Variants in CREB3L4 observed in about 807,000 individuals in gnomAD.
CREB3L4 encodes the protein cyclic AMP-responsive element-binding protein 3-like protein 4.
A neutral mutation model predicts 37.0 loss-of-function variants in CREB3L4; 28 were observed. That is an observed-to-expected ratio of 0.76 (90% CI 0.56 to 1.04). CREB3L4 has a LOEUF of 1.04. Ranked by LOEUF, CREB3L4 falls within the 50% of genes least tolerant of loss-of-function variation. The pLI is 0.00. For synonymous variants in CREB3L4, 175 were observed against 192.2 expected (o/e 0.91, Z 0.74); for missense variants, 462 against 486.0 (o/e 0.95, Z 0.46).
Position 153,973,015 on chromosome 1 carries a change from A to G in CREB3L4, c.680A>G (p.Asn227Ser). 1 of 1,614,168 alleles carries G rather than the reference A, an allele frequency of 6.2e-7. No individual in the cohort carries two copies. The highest frequency in any genetic ancestry group is 1.3e-5 in the African/African-American group (1 of 75,030). The change falls in exon 6 of 10, where the codon AAC (asparagine) becomes AGC (serine). Residue 227 changes from asparagine to serine, a missense_variant. Asn to Ser is a conservative substitution (Grantham distance 46). Transcript: ENST00000368607. ...AAGAAGGTCAGGAGGAAAATCCGTA[A>G]CAAGCAGTCAGCTCAGGACAGTCGG... ...VLKKVRRKIR[N>S]KQSAQDSRRR...
chr1:153,971,038 C>T (rs748975524), intron 4 of CREB3L4, among the ~76,000 whole-genome samples: 24 of 147,396 alleles, frequency 1.6e-4, no homozygotes, highest in Non-Finnish European at 2.7e-4. Flanking sequence ...CCACCGCACC[C>T]GGCCAACATC....
At chr1:153,970,491 G>A (rs1409355323) in intron 4 of CREB3L4, among the ~76,000 whole-genome samples, 1 of 152,180 alleles carries the variant, frequency 6.6e-6, no homozygotes, top group Non-Finnish European at 1.5e-5. Context: ...GTTTCCACTG[G>A]AACAGTTGCC....
rs560677297 is a variant in CREB3L4, at chr1:153,972,958, C to G, written c.637-14C>G. ...GGTGAAGGACCCAGGACTCACACAT[C>G]CTGGGCCTCCAAGGCAGAGGAGAGG... On this transcript the variant is annotated splice_polypyrimidine_tract_variant and intron_variant, in intron 5 of 9. Coordinates refer to ENST00000368607, the MANE Select transcript of CREB3L4 (RefSeq NM_001255978.2). 176 of 1,613,002 alleles carry G rather than the reference C, an allele frequency of 1.1e-4. No individual in the cohort carries two copies. In the South Asian group the frequency reaches 1.9e-3, roughly 17 times the overall value.
At chr1:153,969,250 C>A (rs746841106) in intron 3 of CREB3L4, 74 bp downstream of exon 3, 1 of 1,613,962 alleles carries the variant, frequency 6.2e-7, no homozygotes, top group South Asian at 1.1e-5. Context: ...GGGGGTTTAC[C>A]CAACCTGTGC....
intron 4 of CREB3L4, among the ~76,000 whole-genome samples, chr1:153,971,096 C>T (rs1409684364): frequency 0.1 from 11 of 106 alleles, no homozygotes; most frequent in South Asian, 0.5. Flanking sequence ...GCCGGCCGGG[C>T]GCGGTGCTCA....
At position 153,968,794 on chromosome 1, in the gene CREB3L4, C is replaced by T. The variant is rs539745671; in HGVS notation, c.174+95C>T. 176 of 1,550,074 alleles carry T rather than the reference C, an allele frequency of 1.1e-4. No individual in the cohort carries two copies. In the African/African-American group the frequency reaches 2.1e-3, roughly 19 times the overall value. On this transcript the variant is annotated intron_variant, in intron 2 of 9. Coordinates refer to ENST00000368607, the MANE Select transcript of CREB3L4 (RefSeq NM_001255978.2). Reference sequence around the variant, plus strand: ...CTTGGAGACAGGTCTGAAAACAGACCACCCCCAAAATAGACGTAAGTTGTA... The same window carrying T: ...CTTGGAGACAGGTCTGAAAACAGACTACCCCCAAAATAGACGTAAGTTGTA...
chr1:153,968,288 C>A, intron 1 of CREB3L4, 124 bp downstream of exon 1: 1 of 434,708 alleles, frequency 2.3e-6, no homozygotes, highest in Admixed American at 3.6e-5. Flanking sequence ...GCTGGCTTGA[C>A]AGGGCTGGGC....
At chr1:153,971,296 A>G (rs1648344555) in intron 4 of CREB3L4, among the ~76,000 whole-genome samples, 1 of 151,636 alleles carries the variant, frequency 6.6e-6, no homozygotes, top group African/African-American at 2.4e-5. Flanking sequence ...TGAACCCGGG[A>G]AGCAGAGGTT....
Position 153,974,222 on chromosome 1 carries a change from G to T in CREB3L4, c.*157G>T. ...GAGATGTCCTTTAGTCTCTGCCTGAGGCCTAGTCTGCATTTGTTTGCATAT... is the reference window on the plus strand; with the variant it reads ...GAGATGTCCTTTAGTCTCTGCCTGATGCCTAGTCTGCATTTGTTTGCATAT... On this transcript the variant is annotated 3_prime_UTR_variant, in exon 10 of 10. Coordinates refer to ENST00000368607, the MANE Select transcript of CREB3L4 (RefSeq NM_001255978.2). 1.6e-6 allele frequency: 1 copy of T among 622,636 alleles called. No individual in the cohort carries two copies. The allele number at this position is 622,636 out of a possible 1,614,324, so 38.6% of individuals were successfully genotyped here. A position where few individuals can be genotyped will look rare whatever the true frequency, so the allele number is the denominator to read the frequency against.
chr1:153,969,680 G>T, intron 4 of CREB3L4: 1 of 492,088 alleles, frequency 2.0e-6, no homozygotes, highest in Non-Finnish European at 3.7e-6. Flanking sequence ...GTGCAATCAC[G>T]GCTCACTGCA....
At chr1:153,973,134 C>T in intron 6 of CREB3L4, 56 bp downstream of exon 6, 2 of 1,610,476 alleles carry the variant, frequency 1.2e-6, no homozygotes, top group Non-Finnish European at 1.7e-6. Flanking sequence ...CCTTCCTCAC[C>T]ATGGGAGGCA....
chr1:153,973,927 A>C lies in CREB3L4; in HGVS notation c.1050A>C (p.Gln350His), dbSNP rs769040478. 27 of 1,614,064 alleles carry C rather than the reference A, an allele frequency of 1.7e-5. No homozygotes were observed. The highest frequency in any genetic ancestry group is 2.2e-5 in the Non-Finnish European group (26 of 1,180,042). Reference sequence around the variant, plus strand: ...ACGTAACAGAAAATCTGGAGACCCAAGTGGTAGAGTCCAGACTGAGGGAGC... The same window carrying C: ...ACGTAACAGAAAATCTGGAGACCCACGTGGTAGAGTCCAGACTGAGGGAGC... ...HKDVTENLET[Q>H]VVESRLREPP... The change falls in exon 10 of 10, where the codon CAA (glutamine) becomes CAC (histidine). Residue 350 changes from glutamine to histidine, a missense_variant. Transcript: ENST00000368607.
At chr1:153,971,292 C>T (rs761174611) in intron 4 of CREB3L4, among the ~76,000 whole-genome samples, 1 of 151,552 alleles carries the variant, frequency 6.6e-6, no homozygotes, top group Non-Finnish European at 1.5e-5. Context: ...CGCTTGAACC[C>T]GGGAAGCAGA....
rs1648095633 is a variant in CREB3L4 at position 153,969,196 on chromosome 1, A to T, written c.421+20A>T. 6.2e-7 allele frequency: 1 copy of T among 1,613,904 alleles called. No homozygotes were observed. The highest frequency in any genetic ancestry group is 1.1e-5 in the South Asian group (1 of 91,090). Reference sequence around the variant, plus strand: ...AGCTAGGTCAGTGTTCTTTGTGGGAAGGGGGAAATGGCCCTTCGGGACTGG... The same window carrying T: ...AGCTAGGTCAGTGTTCTTTGTGGGATGGGGGAAATGGCCCTTCGGGACTGG... On this transcript the variant is annotated intron_variant, in intron 3 of 9. Coordinates refer to ENST00000368607, the MANE Select transcript of CREB3L4 (RefSeq NM_001255978.2).
At chr1:153,972,703 C>T (rs1023469080) in intron 4 of CREB3L4, 41 bp from the exon 5 acceptor site, 1 of 1,538,766 alleles carries the variant, frequency 6.5e-7, no homozygotes, top group South Asian at 1.1e-5. Context: ...GGATGACCCC[C>T]TCCTCACTCC....
chr1:153,972,907 G>C (rs1005892550), intron 5 of CREB3L4, 65 bp from the exon 6 acceptor site: 5 of 1,598,838 alleles, frequency 3.1e-6, no homozygotes, highest in Non-Finnish European at 2.6e-6. Flanking sequence ...CAATATCCCA[G>C]GAGAAGCATT....
At chr1:153,969,284 C>T (rs1206779194) in intron 3 of CREB3L4, 50 bp from the exon 4 acceptor site, 1 of 1,614,026 alleles carries the variant, frequency 6.2e-7, no homozygotes, top group Admixed American at 1.7e-5. Context: ...CTGCGGCTGT[C>T]AGGGTGTTCC....
chr1:153,968,880 G>T, intron 2 of CREB3L4, 50 bp from the exon 3 acceptor site: 1 of 1,554,830 alleles, frequency 6.4e-7, no homozygotes, highest in Non-Finnish European at 8.7e-7. Flanking sequence ...AGTCAGGGAG[G>T]ACTTCCAAAA....
At chr1:153,971,344 G>A (rs1448320736) in intron 4 of CREB3L4, among the ~76,000 whole-genome samples, 1 of 151,736 alleles carries the variant, frequency 6.6e-6, no homozygotes, top group Non-Finnish European at 1.5e-5. Context: ...CTCCAGCCTG[G>A]GCGACAGGGC....
Sources: gnomAD v4.1 joint callset for allele counts (sites outside exome capture counted in the v4.1 genomes callset) on GRCh38, gnomAD v4.1.1 for gene constraint, MANE v1.5 for transcripts, NCBI Gene and HGNC (gene_info 2026-07-23, HGNC 2026-07-21) for gene names.